The following ADGRB3 variants were observed in gnomAD, a reference collection of about 807,000 sequenced individuals.
ADGRB3 encodes the protein brain-specific angiogenesis inhibitor 3.
In ADGRB3, 37 loss-of-function variants were observed where a neutral mutation model predicts 193.4. That is an observed-to-expected ratio of 0.19 (90% CI 0.15 to 0.25). The LOEUF is 0.25. ADGRB3 is among the 10% of genes least tolerant of loss of function. The pLI, the probability that ADGRB3 is intolerant of heterozygous loss-of-function variation, is 1.00. For synonymous variants in ADGRB3, 690 were observed against 644.2 expected (o/e 1.07, Z -1.08); for missense variants, 1,637 against 1,852.9 (o/e 0.88, Z 2.14).
At chr6:69,245,072 A>G (rs1766468639) in intron 20 of ADGRB3, among the ~76,000 whole-genome samples, 2 of 152,018 alleles carry the variant, frequency 1.3e-5, no homozygotes, top group Admixed American at 1.3e-4. Context: ...CTCCAACTCA[A>G]TTACATAAGC....
At chr6:68,664,530 CCTGA>C (rs1232235264) in intron 3 of ADGRB3, among the ~76,000 whole-genome samples, 1 of 151,836 alleles carries the variant, frequency 6.6e-6, no homozygotes, top group Non-Finnish European at 1.5e-5. Context: ...CTCACCAGAA[CCTGA>C]CTATGCTGAC....
At chr6:68,859,847 T>C (rs970163884) in intron 3 of ADGRB3, among the ~76,000 whole-genome samples, 1 of 152,192 alleles carries the variant, frequency 6.6e-6, no homozygotes. Flanking sequence ...CTCAAACATT[T>C]TGGTCTCATA....
intron 3 of ADGRB3, among the ~76,000 whole-genome samples, chr6:68,829,396 C>T (rs62418569): frequency 0.033 from 5,083 of 152,044 alleles, 131 homozygotes; most frequent in Non-Finnish European, 0.051. Context: ...GCCACCGCAC[C>T]CAGGCATGTT....
intron 26 of ADGRB3, among the ~76,000 whole-genome samples, chr6:69,345,370 G>A (rs576753997): frequency 8.5e-5 from 13 of 152,156 alleles, no homozygotes; most frequent in Admixed American, 5.9e-4. Context: ...CTGGCAAACT[G>A]AATCCAACAG....
chr6:68,704,988 G>A (rs1327673207), intron 3 of ADGRB3, among the ~76,000 whole-genome samples: 1 of 152,082 alleles, frequency 6.6e-6, no homozygotes. Flanking sequence ...ATTACAAAAT[G>A]CATTTATAAA....
chr6:69,191,495 T>A (rs1016080315), intron 17 of ADGRB3, among the ~76,000 whole-genome samples: 11 of 152,194 alleles, frequency 7.2e-5, no homozygotes, highest in African/African-American at 2.7e-4. Context: ...ATATTACTTT[T>A]ACATGATTCA....
At chr6:68,675,419 G>T (rs1372260737) in intron 3 of ADGRB3, among the ~76,000 whole-genome samples, 3 of 151,826 alleles carry the variant, frequency 2.0e-5, no homozygotes, top group African/African-American at 7.3e-5. Context: ...GGAGAAAAAA[G>T]GAAATTATTA....
At chr6:69,349,574 AT>A (rs1311258415) in intron 26 of ADGRB3, among the ~76,000 whole-genome samples, 1 of 152,222 alleles carries the variant, frequency 6.6e-6, no homozygotes, top group Non-Finnish European at 1.5e-5. Flanking sequence ...TACATATGAA[AT>A]TGAAAAGTCT....
intron 29 of ADGRB3, among the ~76,000 whole-genome samples, chr6:69,366,338 C>T (rs1233915614): frequency 6.6e-6 from 1 of 152,054 alleles, no homozygotes; most frequent in African/African-American, 2.4e-5. Flanking sequence ...GAACTTTCTC[C>T]TTGCAAGTAG....
chr6:68,968,348 A>G (rs1430660872), intron 8 of ADGRB3, among the ~76,000 whole-genome samples: 16 of 152,180 alleles, frequency 1.1e-4, no homozygotes, highest in Non-Finnish European at 2.2e-4. Context: ...GAATAATACT[A>G]AGTGTGAAAA....
chr6:68,931,477 A>G (rs1276153236), intron 4 of ADGRB3, among the ~76,000 whole-genome samples: 1 of 152,100 alleles, frequency 6.6e-6, no homozygotes, highest in African/African-American at 2.4e-5. Flanking sequence ...CAACTTTGTT[A>G]TGTAAATTTT....
intron 3 of ADGRB3, among the ~76,000 whole-genome samples, chr6:68,660,736 A>G (rs912457525): frequency 2.0e-5 from 3 of 151,138 alleles, no homozygotes; most frequent in Non-Finnish European, 4.5e-5. Flanking sequence ...GTTGTTTTAT[A>G]ATTACTCTTA....
intron 20 of ADGRB3, among the ~76,000 whole-genome samples, chr6:69,319,058 T>A (rs575429404): frequency 1.5e-4 from 22 of 151,254 alleles, no homozygotes; most frequent in African/African-American, 4.1e-4. Context: ...TTTATCTTTT[T>A]AAAATCTATT....
intron 3 of ADGRB3, among the ~76,000 whole-genome samples, chr6:68,660,002 T>C (rs1768587050): frequency 6.6e-6 from 1 of 150,948 alleles, no homozygotes; most frequent in Admixed American, 6.6e-5. Context: ...TGAATATCAC[T>C]GATTAAAACC....
intron 3 of ADGRB3, among the ~76,000 whole-genome samples, chr6:68,803,145 T>G (rs767343860): frequency 6.6e-6 from 1 of 152,204 alleles, no homozygotes; most frequent in Non-Finnish European, 1.5e-5. Context: ...TTTATCTTAC[T>G]GGATTGCCCT....
At chr6:69,295,680 G>A (rs766582515) in intron 20 of ADGRB3, among the ~76,000 whole-genome samples, 51 of 152,148 alleles carry the variant, frequency 3.4e-4, no homozygotes, top group Admixed American at 2.0e-3. Flanking sequence ...CAAACACCAA[G>A]GGAGGAGATG....
chr6:69,008,394 C>A (rs758167217), intron 11 of ADGRB3, among the ~76,000 whole-genome samples: 3 of 152,100 alleles, frequency 2.0e-5, no homozygotes, highest in Non-Finnish European at 4.4e-5. Flanking sequence ...TACCTTTCCT[C>A]GTTTTTTCAT....
rs779461 is a variant in ADGRB3 at position 69,234,994 on chromosome 6, A to G, written c.2608-38A>G. On this transcript the variant is annotated intron_variant, in intron 18 of 31. Transcript: ENST00000370598. ...CTAGAAGTTATTTTAATTTATTAAAAACCAATTTGTTTCTTTTTTGTTTTG... is the reference window on the plus strand; with the variant it reads ...CTAGAAGTTATTTTAATTTATTAAAGACCAATTTGTTTCTTTTTTGTTTTG... 0.1 allele frequency: 153,935 copies of G among 1,513,088 alleles called. 8,400 individuals are homozygous for G. The highest frequency in any genetic ancestry group is 0.12 in the Middle Eastern group (691 of 5,840). 93.7% of individuals were successfully genotyped at this position (1,513,088 alleles called of 1,614,324 possible).
At position 68,732,592 on chromosome 6, in the gene ADGRB3, A is replaced by T. The variant is rs74514900; in HGVS notation, c.757+93160A>T. Among the ~76,000 whole-genome samples, 475 of 152,030 alleles carry T rather than the reference A, an allele frequency of 3.1e-3. 4 individuals are homozygous for T. Among genetic ancestry groups the T allele is most frequent in the African/African-American group, 0.011 (465 of 41,520 alleles). ...ATGGTATGAAGAATTGGAAAACGGAAGTTTGGGATGACTTTGCAGAGCATT... is the reference window on the plus strand; with the variant it reads ...ATGGTATGAAGAATTGGAAAACGGATGTTTGGGATGACTTTGCAGAGCATT... On this transcript the variant is annotated intron_variant, in intron 3 of 31. Transcript: ENST00000370598.
Sources: gnomAD v4.1 joint callset for allele counts (sites outside exome capture counted in the v4.1 genomes callset) on GRCh38, gnomAD v4.1.1 for gene constraint, MANE v1.5 for transcripts, NCBI Gene and HGNC (gene_info 2026-07-23, HGNC 2026-07-21) for gene names.